CCNY: variants seen among roughly 807,000 people sequenced by gnomAD.
CCNY encodes the protein cyclin-Y.
Under a neutral mutation model 42.8 loss-of-function variants are expected in CCNY, and 19 were observed. The ratio of observed to expected loss-of-function variants is 0.44; its 90% CI spans 0.31 to 0.65. CCNY has a LOEUF of 0.65. Among genes scored for constraint, CCNY ranks in the 30% least tolerant of loss-of-function variants. The pLI is 0.07. For synonymous variants in CCNY, 165 were observed against 162.7 expected (o/e 1.01, Z -0.11); for missense variants, 370 against 437.3 (o/e 0.85, Z 1.37).
intron 1 of CCNY, among the ~76,000 whole-genome samples, chr10:35,418,124 G>C (rs561102072): frequency 6.6e-6 from 1 of 152,186 alleles, no homozygotes; most frequent in Non-Finnish European, 1.5e-5. Context: ...TTTAGTGAAG[G>C]GCTGAGAGTT....
intron 1 of CCNY, among the ~76,000 whole-genome samples, chr10:35,426,351 A>G (rs377534026): frequency 2.4e-4 from 36 of 152,270 alleles, no homozygotes; most frequent in African/African-American, 8.2e-4. Context: ...TCAGCAGGTT[A>G]TTAAGAAGGC....
chr10:35,562,821 G>A (rs1589212107), intron 8 of CCNY, among the ~76,000 whole-genome samples: 1 of 151,978 alleles, frequency 6.6e-6, no homozygotes, highest in South Asian at 2.1e-4. Flanking sequence ...CTTTTGGGAA[G>A]TGACCCTAGT....
At chr10:35,337,716 C>T (rs918468523) in intron 1 of CCNY, among the ~76,000 whole-genome samples, 1 of 150,118 alleles carries the variant, frequency 6.7e-6, no homozygotes, top group Non-Finnish European at 1.5e-5. Flanking sequence ...TCCACTTCCC[C>T]CGTTCCCATT....
rs958899809 is a variant in CCNY at position 35,526,058 on chromosome 10, A to G, written c.401+59A>G. ...CGTTATCTTCTGTTATGTTGTTCCT[A>G]TTTTTTCATATTCTAGTTGCTTAAA... On this transcript the variant is annotated intron_variant, in intron 5 of 9. Transcript: ENST00000374704. The G allele has an allele frequency of 3.5e-6, 5 of 1,418,718 alleles. No individual in the cohort carries two copies. In the African/African-American group the frequency reaches 4.3e-5, roughly 12 times the overall value. The allele number at this position is 1,418,718 out of a possible 1,614,324, so 87.9% of individuals were successfully genotyped here.
intron 1 of CCNY, among the ~76,000 whole-genome samples, chr10:35,431,985 TG>T (rs1466769633): frequency 6.6e-6 from 1 of 152,236 alleles, no homozygotes; most frequent in African/African-American, 2.4e-5. Flanking sequence ...AGAAAAATTA[TG>T]GTTCATTTTC....
chr10:35,368,352 A>G (rs1224362712), intron 1 of CCNY, among the ~76,000 whole-genome samples: 2 of 152,210 alleles, frequency 1.3e-5, no homozygotes, highest in African/African-American at 4.8e-5. Context: ...AATGATCATA[A>G]TCTTTTTCTA....
chr10:35,506,921 G>A (rs541196454), intron 3 of CCNY, among the ~76,000 whole-genome samples: 4 of 152,156 alleles, frequency 2.6e-5, no homozygotes, highest in Non-Finnish European at 5.9e-5. Context: ...TGCTACATGT[G>A]GGGAAGGAGC....
At chr10:35,475,675 T>C (rs1242079608) in intron 1 of CCNY, among the ~76,000 whole-genome samples, 1 of 148,798 alleles carries the variant, frequency 6.7e-6, no homozygotes, top group African/African-American at 2.6e-5. Context: ...TACCAGCCGC[T>C]GCAAAATCAT....
chr10:35,510,457 T>G (rs1840303848), intron 3 of CCNY, among the ~76,000 whole-genome samples: 1 of 152,194 alleles, frequency 6.6e-6, no homozygotes. Context: ...GCTCAATTGA[T>G]TCTCCCACTT....
At chr10:35,391,968 A>T (rs910383453) in intron 1 of CCNY, among the ~76,000 whole-genome samples, 1 of 125,466 alleles carries the variant, frequency 8.0e-6, no homozygotes, top group African/African-American at 3.3e-5. Flanking sequence ...CAGGAATCGC[A>T]GCCTTCTATA....
chr10:35,470,051 G>A (rs1037968192), intron 1 of CCNY, among the ~76,000 whole-genome samples: 3 of 149,622 alleles, frequency 2.0e-5, no homozygotes, highest in Non-Finnish European at 4.4e-5. Context: ...CAGACAGGGA[G>A]ATGGAGAGAC....
intron 3 of CCNY, among the ~76,000 whole-genome samples, chr10:35,305,230 G>T (rs1471715783): frequency 1.3e-5 from 2 of 152,110 alleles, no homozygotes; most frequent in African/African-American, 2.4e-5. Context: ...TCATTTTATG[G>T]TTACAAAGCT....
Position 35,285,800 on chromosome 10 carries a change from A to G in CCNY, c.-9+35174A>G, listed in dbSNP as rs1170338945. ...TTTTAAAAATTATGGATGTGGTTGG[A>G]TTTAGGTGTTTTTGTTTTTGTTTTT... On this transcript the variant is annotated intron_variant, in intron 3 of 11. Coordinates refer to the CCNY transcript ENST00000374706. Among the ~76,000 whole-genome samples, 8 of 134,140 alleles carry G rather than the reference A, an allele frequency of 6.0e-5. No individual in the cohort carries two copies. The East Asian group carries it at 1.8e-3, about 30-fold the overall frequency. 88.0% of individuals were successfully genotyped at this position (134,140 alleles called of 152,430 possible).
intron 1 of CCNY, among the ~76,000 whole-genome samples, chr10:35,470,443 A>G (rs1349794350): frequency 6.6e-6 from 1 of 152,216 alleles, no homozygotes; most frequent in Non-Finnish European, 1.5e-5. Flanking sequence ...CCACTTGCGG[A>G]GAGACTGCCC....
In CCNY at chr10:35,569,182, C is replaced by A; in HGVS notation, c.*12C>A. On this transcript the variant is annotated 3_prime_UTR_variant, in exon 10 of 10. Transcript: ENST00000374704. ...CCATCATCTCTTAACTACGGAGGCCCGCCGGAGGCCACACCATCCCTTAGT... is the reference window on the plus strand; with the variant it reads ...CCATCATCTCTTAACTACGGAGGCCAGCCGGAGGCCACACCATCCCTTAGT... 6.9e-7 allele frequency: 1 copy of A among 1,439,234 alleles called. No individual in the cohort carries two copies. Among genetic ancestry groups the A allele is most frequent in the East Asian group, 2.3e-5 (1 of 44,008 alleles). 89.2% of individuals were successfully genotyped at this position (1,439,234 alleles called of 1,614,324 possible).
At chr10:35,338,778 C>T (rs1418798985) in intron 1 of CCNY, among the ~76,000 whole-genome samples, 3 of 151,944 alleles carry the variant, frequency 2.0e-5, no homozygotes, top group Non-Finnish European at 4.4e-5. Flanking sequence ...CTAGCGGAGG[C>T]TTTGTTTTGA....
chr10:35,377,077 T>C (rs963445350), intron 1 of CCNY, among the ~76,000 whole-genome samples: 1 of 152,256 alleles, frequency 6.6e-6, no homozygotes, highest in African/African-American at 2.4e-5. Context: ...TATGCAATGG[T>C]GGTCCCATAA....
At chr10:35,421,371 G>A (rs1838155760) in intron 1 of CCNY, among the ~76,000 whole-genome samples, 2 of 152,154 alleles carry the variant, frequency 1.3e-5, no homozygotes. Flanking sequence ...TAACTATGTG[G>A]ATCCTAACTC....
At chr10:35,430,336 C>CAAAAAAAA (rs397954370) in intron 1 of CCNY, among the ~76,000 whole-genome samples, 1 of 55,592 alleles carries the variant, frequency 1.8e-5, no homozygotes, top group Non-Finnish European at 3.5e-5. Context: ...GACTCCGTCT[C>CAAAAAAAA]AAAAAAAAAA....
Sources: gnomAD v4.1 joint callset for allele counts (sites outside exome capture counted in the v4.1 genomes callset) on GRCh38, gnomAD v4.1.1 for gene constraint, MANE v1.5 for transcripts, NCBI Gene and HGNC (gene_info 2026-07-23, HGNC 2026-07-21) for gene names.